Variants in MAGI2 observed in about 807,000 individuals in gnomAD.
MAGI2 encodes membrane associated guanylate kinase, WW and PDZ domain containing 2.
MAGI2 carries 35 observed loss-of-function variants against 133.3 expected under a neutral mutation model. That is an observed-to-expected ratio of 0.26 (90% CI 0.20 to 0.35). The LOEUF (loss-of-function observed/expected upper bound fraction) is 0.35. MAGI2 is among the 10% of genes least tolerant of loss of function. The pLI is 1.00. For missense variants in MAGI2, 1,636 were observed against 1,863.4 expected (o/e 0.88, Z 2.25); for synonymous variants, 729 against 710.6 (o/e 1.03, Z -0.41).
At chr7:79,017,708 C>G (rs753943271) in intron 1 of MAGI2, among the ~76,000 whole-genome samples, 1 of 152,142 alleles carries the variant, frequency 6.6e-6, no homozygotes. Flanking sequence ...AGTATAGGAA[C>G]TGATAGACAA....
chr7:79,137,425 C>G (rs1296298598), intron 1 of MAGI2, among the ~76,000 whole-genome samples: 2 of 148,634 alleles, frequency 1.3e-5, no homozygotes, highest in African/African-American at 4.9e-5. Flanking sequence ...TAACAAGGTA[C>G]TTCTTCCACT....
intron 10 of MAGI2, among the ~76,000 whole-genome samples, chr7:78,208,155 T>A (rs78930527): frequency 0.015 from 2,251 of 145,300 alleles, 27 homozygotes; most frequent in Middle Eastern, 0.054. Context: ...TTTTTTTTTT[T>A]AATATGGGGA....
rs936146781 is a variant in MAGI2 at position 79,181,503 on chromosome 7, G to A, written c.302-174297C>T. ...GCATCAAGTCCCTAGACTGTACACA[G>A]CAGAGAAACCCTGGGCCCGGCCCAC... On this transcript the variant is annotated intron_variant, in intron 1 of 21. Transcript: ENST00000354212. 3.9e-5 allele frequency among the ~76,000 whole-genome samples: 6 copies of A among 151,902 alleles called. 1 individual carries two copies. The highest frequency in any genetic ancestry group is 1.5e-4 in the African/African-American group (6 of 41,258).
At chr7:78,920,747 A>G (rs1343163628) in intron 2 of MAGI2, among the ~76,000 whole-genome samples, 1 of 152,102 alleles carries the variant, frequency 6.6e-6, no homozygotes, top group Non-Finnish European at 1.5e-5. Flanking sequence ...ATTAGTCTCT[A>G]TTTACTTGCC....
intron 19 of MAGI2, 23 bp downstream of exon 19, chr7:78,127,174 C>T: frequency 1.3e-6 from 2 of 1,535,670 alleles, no homozygotes; most frequent in Non-Finnish European, 1.8e-6. Context: ...TCAGGACCCA[C>T]CCTGCTCTCC....
chr7:79,035,970 T>A (rs1378230071), intron 1 of MAGI2, among the ~76,000 whole-genome samples: 1 of 152,206 alleles, frequency 6.6e-6, no homozygotes, highest in Non-Finnish European at 1.5e-5. Flanking sequence ...TGAATAGAAA[T>A]ATGTAAGGTG....
intron 2 of MAGI2, among the ~76,000 whole-genome samples, chr7:78,792,740 A>G (rs1787280055): frequency 6.6e-6 from 1 of 151,864 alleles, no homozygotes. Context: ...TGAAAAAAAG[A>G]AGTAATTCAT....
At chr7:79,198,190 G>T (rs10255906) in intron 1 of MAGI2, among the ~76,000 whole-genome samples, 10 of 151,660 alleles carry the variant, frequency 6.6e-5, no homozygotes, top group African/African-American at 2.2e-4. Flanking sequence ...AAAGTTGAGG[G>T]TGCAATGTGC....
chr7:78,480,759 C>G (rs1792281528), intron 6 of MAGI2, among the ~76,000 whole-genome samples: 1 of 151,860 alleles, frequency 6.6e-6, no homozygotes, highest in South Asian at 2.1e-4. Context: ...AAATCAATCT[C>G]ATGTATATAT....
intron 1 of MAGI2, among the ~76,000 whole-genome samples, chr7:79,234,831 T>C (rs1369243198): frequency 1.3e-5 from 2 of 151,690 alleles, no homozygotes; most frequent in African/African-American, 2.4e-5. Context: ...GTTCCGTTGC[T>C]GGTGAGGAAC....
At chr7:78,903,172 CTTTTTTTTTTTTTTTTTTTTTTTT>C (rs10526268) in intron 2 of MAGI2, among the ~76,000 whole-genome samples, 28 of 56,116 alleles carry the variant, frequency 5.0e-4, no homozygotes, top group South Asian at 2.0e-3. Context: ...GTTCCTGAAT[CTTTTTTTTTTTTTTTTTTTTTTTT>C]TTTTTTTTTT....
At chr7:79,326,593 C>T (rs577800713) in intron 1 of MAGI2, among the ~76,000 whole-genome samples, 59 of 151,916 alleles carry the variant, frequency 3.9e-4, no homozygotes, top group Admixed American at 1.1e-3. Flanking sequence ...AGTGATAATA[C>T]GCCTTGGAAA....
intron 3 of MAGI2, among the ~76,000 whole-genome samples, chr7:78,598,374 T>G (rs1225703391): frequency 6.6e-6 from 1 of 151,866 alleles, no homozygotes; most frequent in Non-Finnish European, 1.5e-5. Context: ...GAGGAGATTG[T>G]AAGAGAGGAG....
At chr7:79,018,025 C>T (rs1045922859) in intron 1 of MAGI2, among the ~76,000 whole-genome samples, 3 of 152,008 alleles carry the variant, frequency 2.0e-5, no homozygotes, top group Non-Finnish European at 2.9e-5. Flanking sequence ...GAATATCATC[C>T]ATGAAAATTT....
intron 1 of MAGI2, among the ~76,000 whole-genome samples, chr7:79,441,515 T>C (rs904482858): frequency 2.6e-5 from 4 of 152,186 alleles, no homozygotes; most frequent in Non-Finnish European, 5.9e-5. Flanking sequence ...ATATATTAAA[T>C]TTATACAGTT....
chr7:78,171,385 G>A (rs60762862), intron 14 of MAGI2, among the ~76,000 whole-genome samples: 13,822 of 152,070 alleles, frequency 0.091, 839 homozygotes, highest in East Asian at 0.29. Flanking sequence ...AGGAATCACC[G>A]GGTGAGCTTA....
chr7:79,217,157 A>G (rs1830088450), intron 1 of MAGI2, among the ~76,000 whole-genome samples: 2 of 152,058 alleles, frequency 1.3e-5, no homozygotes, highest in African/African-American at 4.8e-5. Context: ...TGATTTTTAT[A>G]TCTGAGGAAA....
intron 20 of MAGI2, among the ~76,000 whole-genome samples, chr7:78,085,583 A>C (rs6958398): frequency 0.026 from 2,691 of 105,256 alleles, 63 homozygotes; most frequent in African/African-American, 0.086. Context: ...CACACACACA[A>C]ACAAAACAAA....
At chr7:78,594,354 C>T (rs1804362634) in intron 3 of MAGI2, among the ~76,000 whole-genome samples, 1 of 152,174 alleles carries the variant, frequency 6.6e-6, no homozygotes, top group African/African-American at 2.4e-5. Flanking sequence ...CTGAAAGAGC[C>T]AGTGACTTTA....
Sources: gnomAD v4.1 joint callset for allele counts (sites outside exome capture counted in the v4.1 genomes callset) on GRCh38, gnomAD v4.1.1 for gene constraint, MANE v1.5 for transcripts, NCBI Gene and HGNC (gene_info 2026-07-23, HGNC 2026-07-21) for gene names.